The following XRCC4 variants were observed in gnomAD, a reference collection of about 807,000 sequenced individuals.
The protein encoded by XRCC4 is X-ray repair cross complementing 4, also known as DNA repair protein XRCC4.
In XRCC4, 28 loss-of-function variants were observed where a neutral mutation model predicts 39.1. The ratio of observed to expected loss-of-function variants is 0.72; its 90% confidence interval spans 0.53 to 0.98. The LOEUF (loss-of-function observed/expected upper bound fraction) is 0.98, where lower values mean the gene tolerates loss of function less well. Ranked by LOEUF, XRCC4 falls within the 50% of genes least tolerant of loss-of-function variation. XRCC4 has a pLI of 0.00. For missense variants in XRCC4, 350 were observed against 376.4 expected (o/e 0.93, Z 0.58); for synonymous variants, 123 against 126.4 (o/e 0.97, Z 0.18).
In XRCC4 at chr5:83,199,310, G is replaced by A. The variant is rs575518161; in HGVS notation, c.482+3374G>A. Among the ~76,000 whole-genome samples, 3 of 152,110 alleles carry A rather than the reference G, an allele frequency of 2.0e-5. No individual in the cohort carries two copies. In the South Asian group the frequency reaches 6.2e-4, roughly 32 times the overall value. ...AATCTGAATCCTTCACGGTATAGTT[G>A]AAGGCCATTTCCTCTTGTTCTCTTG... On this transcript the variant is annotated intron_variant, in intron 4 of 7. Transcript: ENST00000396027.
At chr5:83,160,745 CT>C (rs1470184743) in intron 3 of XRCC4, among the ~76,000 whole-genome samples, 1 of 151,988 alleles carries the variant, frequency 6.6e-6, no homozygotes, top group Non-Finnish European at 1.5e-5. Context: ...TATGATGTAT[CT>C]TTTGGTTGTT....
chr5:83,162,059 C>T (rs141254787), intron 3 of XRCC4, among the ~76,000 whole-genome samples: 27 of 151,774 alleles, frequency 1.8e-4, no homozygotes, highest in Non-Finnish European at 2.9e-4. Flanking sequence ...CCCAGCTACT[C>T]GGGAGGCTGA....
At chr5:83,192,917 T>C (rs368630172) in intron 3 of XRCC4, among the ~76,000 whole-genome samples, 5 of 152,320 alleles carry the variant, frequency 3.3e-5, no homozygotes, top group African/African-American at 1.2e-4. Flanking sequence ...AGAACAGCTG[T>C]GACAGTAACC....
At chr5:83,330,372 C>T (rs1456200267) in intron 7 of XRCC4, among the ~76,000 whole-genome samples, 3 of 152,040 alleles carry the variant, frequency 2.0e-5, no homozygotes, top group East Asian at 1.9e-4. Flanking sequence ...GATAGTATTA[C>T]ACAACATTGA....
At position 83,148,688 on chromosome 5, in the gene XRCC4, G is replaced by T. The variant is rs1231548196; in HGVS notation, c.315+37485G>T. Among the ~76,000 whole-genome samples, 3 of 152,072 alleles carry T rather than the reference G, an allele frequency of 2.0e-5. No homozygotes were observed. The East Asian group carries it at 5.8e-4, about 29-fold the overall frequency. ...ATAACTTTACATTTTTAAAAACAAT[G>T]ATTAAGTGCTCAATTTATGTTATGC... is the stretch of plus-strand genomic sequence containing the variant. On this transcript the variant is annotated intron_variant, in intron 3 of 7. Transcript: ENST00000396027.
chr5:83,174,882 A>C (rs1209408716), intron 3 of XRCC4, among the ~76,000 whole-genome samples: 2 of 139,220 alleles, frequency 1.4e-5, no homozygotes, highest in African/African-American at 5.0e-5. Flanking sequence ...TATTATAATC[A>C]TAGTTTGTAT....
chr5:83,216,002 G>A (rs1347644023), intron 6 of XRCC4, among the ~76,000 whole-genome samples: 1 of 152,026 alleles, frequency 6.6e-6, no homozygotes, highest in African/African-American at 2.4e-5. Context: ...CTTCAAAAAG[G>A]TATCATTAAG....
chr5:83,193,295 TA>T (rs1272395036), intron 3 of XRCC4, among the ~76,000 whole-genome samples: 1 of 152,108 alleles, frequency 6.6e-6, no homozygotes, highest in Non-Finnish European at 1.5e-5. Context: ...TTAATCTGAG[TA>T]TTTCAAGTAA....
At chr5:83,312,014 T>C (rs28360301) in intron 7 of XRCC4, among the ~76,000 whole-genome samples, 3,955 of 152,154 alleles carry the variant, frequency 0.026, 143 homozygotes, top group African/African-American at 0.091. Context: ...AGCCTCAAAA[T>C]TGGTAAAGGG....
At chr5:83,192,525 G>A (rs1203639321) in intron 3 of XRCC4, among the ~76,000 whole-genome samples, 1 of 151,776 alleles carries the variant, frequency 6.6e-6, no homozygotes, top group Non-Finnish European at 1.5e-5. Context: ...TGCCCAGGCT[G>A]GTCTCAAACT....
At chr5:83,098,317 T>C (rs1165484637) in intron 1 of XRCC4, among the ~76,000 whole-genome samples, 3 of 152,134 alleles carry the variant, frequency 2.0e-5, no homozygotes, top group Admixed American at 2.0e-4. Context: ...TTGAATAAGA[T>C]TATGTTAGCA....
At chr5:83,209,776 C>T (rs551825004) in intron 6 of XRCC4, among the ~76,000 whole-genome samples, 42 of 152,030 alleles carry the variant, frequency 2.8e-4, no homozygotes, top group African/African-American at 9.6e-4. Flanking sequence ...TAATTAAGAG[C>T]ATTACTAAAA....
intron 7 of XRCC4, chr5:83,310,919 G>A (rs1194837011): frequency 1.1e-5 from 5 of 447,750 alleles, no homozygotes; most frequent in Admixed American, 4.9e-5. Context: ...GAAGCTCTAG[G>A]CAGTGGAAAA....
intron 7 of XRCC4, among the ~76,000 whole-genome samples, chr5:83,309,501 C>G (rs1224665377): frequency 6.6e-6 from 1 of 150,682 alleles, no homozygotes; most frequent in Non-Finnish European, 1.5e-5. Flanking sequence ...GTGGCTCACG[C>G]CTGTAATCCC....
At chr5:83,091,308 G>A (rs1010330287) in intron 1 of XRCC4, among the ~76,000 whole-genome samples, 5 of 152,134 alleles carry the variant, frequency 3.3e-5, no homozygotes, top group Non-Finnish European at 5.9e-5. Flanking sequence ...CTTACATGGT[G>A]GCAGGTGAGA....
At chr5:83,369,615 GTA>G in the XRCC4 span, among the ~76,000 whole-genome samples, 1 of 152,216 alleles carries the variant, frequency 6.6e-6, no homozygotes. Context: ...ATTCCACGGT[GTA>G]TATGTACCAC....
chr5:83,077,648 T>G (rs1744723085), intron 1 of XRCC4, 33 bp downstream of exon 1: 2 of 330,632 alleles, frequency 6.0e-6, no homozygotes, highest in Non-Finnish European at 1.1e-5. Context: ...CCTCTTTAAA[T>G]AACAAAAATC....
intron 7 of XRCC4, among the ~76,000 whole-genome samples, chr5:83,323,451 T>C (rs79198295): frequency 0.028 from 4,195 of 152,176 alleles, 191 homozygotes; most frequent in African/African-American, 0.095. Flanking sequence ...GAAATGTTAA[T>C]TAAACCATAT....
chr5:83,322,798 A>G (rs1003637481), intron 7 of XRCC4, among the ~76,000 whole-genome samples: 1 of 152,144 alleles, frequency 6.6e-6, no homozygotes, highest in African/African-American at 2.4e-5. Context: ...ATTCTCACCT[A>G]ATGGCCTTGG....
Sources: allele counts gnomAD v4.1 joint callset (sites outside exome capture counted in the v4.1 genomes callset), GRCh38; gene constraint gnomAD v4.1.1; transcripts MANE v1.5; gene names NCBI Gene and HGNC (gene_info 2026-07-23, HGNC 2026-07-21).